The following TNFAIP8L1 variants were observed in gnomAD, a reference collection of about 807,000 sequenced individuals.
TNFAIP8L1 encodes the protein tumor necrosis factor alpha-induced protein 8-like protein 1.
For synonymous variants in TNFAIP8L1, 127 were observed against 125.6 expected, an observed-to-expected ratio of 1.01 and a Z score of -0.08; for missense variants, 225 against 266.1, an observed-to-expected ratio of 0.85 and a Z score of 1.08.
chr19:4,643,961 C>T (rs1239430077), intron 1 of TNFAIP8L1, among the ~76,000 whole-genome samples: 2 of 151,968 alleles, frequency 1.3e-5, no homozygotes, highest in Admixed American at 6.6e-5. Flanking sequence ...TGGCTTATGC[C>T]TGTAATCCCA....
intron 1 of TNFAIP8L1, among the ~76,000 whole-genome samples, chr19:4,649,485 G>A (rs955126260): frequency 2.0e-5 from 3 of 152,186 alleles, no homozygotes; most frequent in Non-Finnish European, 4.4e-5. Context: ...AGAGGCCAGA[G>A]CTGGGAGCAG....
chr19:4,654,729 C>T lies in TNFAIP8L1; in HGVS notation c.*2299C>T, dbSNP rs1238065980. 1 of 152,226 alleles carries T rather than the reference C, an allele frequency of 6.6e-6. No homozygotes were observed. Among genetic ancestry groups the T allele is most frequent in the Non-Finnish European group, 1.5e-5 (1 of 68,044 alleles). The allele number at this position is 152,226 out of a possible 1,614,324, so 9.4% of individuals were successfully genotyped here. A position where few individuals can be genotyped will look rare whatever the true frequency, so the allele number is the denominator to read the frequency against. The stretch of plus-strand genomic sequence containing the variant: ...GGCTGTCGTCTTGGCTCTGGTACCA[C>T]CCACGAGATGCGGGCGATTCTCAGC... On this transcript the variant is annotated 3_prime_UTR_variant, in exon 2 of 2. Transcript: ENST00000327473.
At position 4,652,490 on chromosome 19, in the gene TNFAIP8L1, G is replaced by A; in HGVS notation, c.*60G>A. 2 of 1,422,888 alleles carry A rather than the reference G, an allele frequency of 1.4e-6. No individual in the cohort carries two copies. The highest frequency in any genetic ancestry group is 1.5e-5 in the South Asian group (1 of 67,304). The allele number at this position is 1,422,888 out of a possible 1,614,324, so 88.1% of individuals were successfully genotyped here. On this transcript the variant is annotated 3_prime_UTR_variant, in exon 2 of 2. Transcript: ENST00000327473. ...TTTGGGGCTCTCCTGCTGGGCGCGG[G>A]TGGGGTTTGTGGGTTTTTTTCCACC...
chr19:4,652,282 A>G lies in TNFAIP8L1; in HGVS notation c.413A>G (p.Lys138Arg), dbSNP rs2088375277. Reference sequence around the variant, plus strand: ...GCCGTGGGTCCCCACCTGACCGCCAAGTCCCACGGCCGCATCAACCACGTG... The same window carrying G: ...GCCGTGGGTCCCCACCTGACCGCCAGGTCCCACGGCCGCATCAACCACGTG... The part of the protein sequence containing the change: ...HQAVGPHLTA[K>R]SHGRINHVFG... Residue 138 changes from lysine (K) to arginine (R), a missense_variant, in exon 2 of 2, where the codon AAG (lysine) becomes AGG (arginine). Lys to Arg is a conservative substitution (Grantham distance 26). Coordinates refer to ENST00000327473, the MANE Select transcript of TNFAIP8L1 (RefSeq NM_152362.3). 1 of 1,566,264 alleles carries G rather than the reference A, an allele frequency of 6.4e-7. No individual in the cohort carries two copies. Among genetic ancestry groups the G allele is most frequent in the Non-Finnish European group, 8.6e-7 (1 of 1,158,966 alleles).
At position 4,645,139 on chromosome 19, in the gene TNFAIP8L1, C is replaced by T. The variant is rs985587776; in HGVS notation, c.-4+5510C>T. Reference sequence around the variant, plus strand: ...AGAATTCATGGGACAGGGGTGGGGACGGCAGGGACTTGTGACATAATTGCA... The same window carrying T: ...AGAATTCATGGGACAGGGGTGGGGATGGCAGGGACTTGTGACATAATTGCA... On this transcript the variant is annotated intron_variant, in intron 1 of 1. Transcript: ENST00000327473. The surrounding 1 kb of genome is among the most constrained non-coding windows in gnomAD (Gnocchi z 4.1). Among the ~76,000 whole-genome samples, 2 of 152,168 alleles carry T rather than the reference C, an allele frequency of 1.3e-5. No individual in the cohort carries two copies. The highest frequency in any genetic ancestry group is 6.5e-5 in the Admixed American group (1 of 15,274).
At chr19:4,647,620 T>C (rs1034572559) in intron 1 of TNFAIP8L1, among the ~76,000 whole-genome samples, 1 of 147,668 alleles carries the variant, frequency 6.8e-6, no homozygotes, top group African/African-American at 2.5e-5. Context: ...TTTTTTTTTT[T>C]TTTTTTTTTT....
rs150579536 is a variant in TNFAIP8L1 at position 4,649,177 on chromosome 19, G to A, written c.-3-2690G>A. Among the ~76,000 whole-genome samples the A allele has an allele frequency of 8.1e-3, 1,223 of 151,532 alleles. 16 individuals carry two copies. The highest frequency in any genetic ancestry group is 0.028 in the African/African-American group (1,149 of 41,284). ...ACTCCTGACCTCAAGTGATCCTCCC[G>A]CCTTGGCTTCCGAAAGTGCTGGGAT... On this transcript the variant is annotated intron_variant, in intron 1 of 1. Coordinates refer to ENST00000327473, the MANE Select transcript of TNFAIP8L1 (RefSeq NM_152362.3).
chr19:4,652,379 G>C lies in TNFAIP8L1; in HGVS notation c.510G>C (p.Leu170=). ...YGPAEPYRSH[L]RRICEGLGRM... is the part of the protein sequence containing the mutation. ...CCGCCGAGCCCTACCGCTCCCACCT[G>C]CGCAGGATCTGCGAGGGCCTGGGCC... Residue 170 remains leucine, a synonymous_variant, in exon 2 of 2, where the codon CTG becomes CTC. Coordinates refer to ENST00000327473, the MANE Select transcript of TNFAIP8L1 (RefSeq NM_152362.3). The C allele has an allele frequency of 1.3e-6, 2 of 1,554,168 alleles. No homozygotes were observed. Among genetic ancestry groups the C allele is most frequent in the Non-Finnish European group, 1.7e-6 (2 of 1,151,762 alleles).
chr19:4,649,182 G>GT (rs903538454), intron 1 of TNFAIP8L1, among the ~76,000 whole-genome samples: 4 of 151,694 alleles, frequency 2.6e-5, no homozygotes, highest in Non-Finnish European at 5.9e-5. Context: ...CTCCCGCCTT[G>GT]GCTTCCGAAA....
chr19:4,648,309 T>C (rs187185859), intron 1 of TNFAIP8L1, among the ~76,000 whole-genome samples: 1 of 152,210 alleles, frequency 6.6e-6, no homozygotes. Context: ...GCCCCTGCCC[T>C]GTAAGGGCTG....
chr19:4,652,066 T>C lies in TNFAIP8L1; in HGVS notation c.197T>C (p.Val66Ala). Residue 66 changes from valine to alanine, a missense_variant, in exon 2 of 2, where the codon GTG becomes GCG. By Grantham distance (64) the Val-to-Ala change is moderately conservative. Coordinates refer to ENST00000327473, the MANE Select transcript of TNFAIP8L1 (RefSeq NM_152362.3). ...AQKMLKNLVK[V>A]ALKLGLLLRG... ...AAGATGCTCAAGAACCTGGTCAAGG[T>C]GGCCCTGAAGCTGGGACTGCTGCTG... is the stretch of plus-strand genomic sequence containing the variant. The C allele has an allele frequency of 6.2e-7, 1 of 1,611,232 alleles. No homozygotes were observed. The highest frequency in any genetic ancestry group is 8.5e-7 in the Non-Finnish European group (1 of 1,178,738).
At chr19:4,642,731 G>C (rs1259209383) in intron 1 of TNFAIP8L1, among the ~76,000 whole-genome samples, 1 of 150,938 alleles carries the variant, frequency 6.6e-6, no homozygotes, top group African/African-American at 2.4e-5. Context: ...CAGTGAGGAG[G>C]AGGAGAGAGG....
chr19:4,644,726 C>T (rs925332386), intron 1 of TNFAIP8L1, among the ~76,000 whole-genome samples: 3 of 151,422 alleles, frequency 2.0e-5, no homozygotes, highest in African/African-American at 7.3e-5. Context: ...GACGCAGCCT[C>T]CCGAGTAGCT....
rs12461453 is a variant in TNFAIP8L1, at chr19:4,655,534, G to C, written c.*3104G>C. On this transcript the variant is annotated 3_prime_UTR_variant, in exon 2 of 2. Transcript: ENST00000327473. ...AAGGAAACAAACCAAATAGGACTGCGGAACAATTTAAATAAAAGCACACAC... is the reference window on the plus strand; with the variant it reads ...AAGGAAACAAACCAAATAGGACTGCCGAACAATTTAAATAAAAGCACACAC... 53,190 of 152,112 alleles carry C rather than the reference G, an allele frequency of 0.35. 11,502 individuals carry two copies. Among genetic ancestry groups the C allele is most frequent in the Non-Finnish European group, 0.49 (33,228 of 68,006 alleles). 9.4% of individuals were successfully genotyped at this position (152,112 alleles called of 1,614,324 possible).
In TNFAIP8L1 at chr19:4,652,237, G is replaced by T; in HGVS notation, c.368G>T (p.Cys123Phe). ...GTGCTGGCCGCCGGGCTGCTCGAGT[G>T]CCGCGACCTGCTGCACCAGGCCGTG... ...RRVLAAGLLE[C>F]RDLLHQAVGP... is the part of the protein sequence containing the mutation. The change falls in exon 2 of 2, where the codon TGC becomes TTC. Residue 123 changes from cysteine (C) to phenylalanine (F), a missense_variant. Physicochemically the swap from Cys to Phe is radical, Grantham distance 205. Coordinates refer to ENST00000327473, the MANE Select transcript of TNFAIP8L1 (RefSeq NM_152362.3). 6.4e-7 allele frequency: 1 copy of T among 1,550,528 alleles called. No individual in the cohort carries two copies. The highest frequency in any genetic ancestry group is 8.7e-7 in the Non-Finnish European group (1 of 1,151,164).
Position 4,652,562 on chromosome 19 carries a change from G to A in TNFAIP8L1, c.*132G>A, listed in dbSNP as rs1315647402. On this transcript the variant is annotated 3_prime_UTR_variant, in exon 2 of 2. Coordinates refer to ENST00000327473, the MANE Select transcript of TNFAIP8L1 (RefSeq NM_152362.3). ...CGGCCAAACTCCCCTAGACAGATGG[G>A]TGACCTGTCTCCTTTGAGAGGATGC... The A allele has an allele frequency of 1.3e-5, 11 of 861,686 alleles. No individual in the cohort carries two copies. Among genetic ancestry groups the A allele is most frequent in the Non-Finnish European group, 1.9e-5 (11 of 576,562 alleles). 53.4% of individuals were successfully genotyped at this position (861,686 alleles called of 1,614,324 possible).
Position 4,654,492 on chromosome 19 carries a change from C to A in TNFAIP8L1, c.*2062C>A, listed in dbSNP as rs904511370. On this transcript the variant is annotated 3_prime_UTR_variant, in exon 2 of 2. Coordinates refer to ENST00000327473, the MANE Select transcript of TNFAIP8L1 (RefSeq NM_152362.3). ...GGGTAGCTGGGACTACAGGTGTGCACGAGCACACCCGGCTAATCTTTGTAT... is the reference window on the plus strand; with the variant it reads ...GGGTAGCTGGGACTACAGGTGTGCAAGAGCACACCCGGCTAATCTTTGTAT... 1 of 152,100 alleles carries A rather than the reference C, an allele frequency of 6.6e-6. No homozygotes were observed. Among genetic ancestry groups the A allele is most frequent in the Non-Finnish European group, 1.5e-5 (1 of 68,020 alleles). 9.4% of individuals were successfully genotyped at this position (152,100 alleles called of 1,614,324 possible).
At chr19:4,651,213 G>T (rs940362725) in intron 1 of TNFAIP8L1, among the ~76,000 whole-genome samples, 21 of 151,824 alleles carry the variant, frequency 1.4e-4, no homozygotes, top group African/African-American at 5.1e-4. Flanking sequence ...ATCACCTTGA[G>T]CCCCTTCTCA....
In TNFAIP8L1 at chr19:4,652,621, T is replaced by C. The variant is rs148604930; in HGVS notation, c.*191T>C. ...CTGTAGCAGCTGTTTCAAACACCAA[T>C]GTCACCTCTCCTCCTGGCCCCCGCC... On this transcript the variant is annotated 3_prime_UTR_variant, in exon 2 of 2. Coordinates refer to ENST00000327473, the MANE Select transcript of TNFAIP8L1 (RefSeq NM_152362.3). 7.0e-6 allele frequency: 4 copies of C among 568,698 alleles called. No homozygotes were observed. The East Asian group carries it at 1.3e-4, about 19-fold the overall frequency. 35.2% of individuals were successfully genotyped at this position (568,698 alleles called of 1,614,324 possible).
Sources: gnomAD v4.1 joint callset for allele counts (sites outside exome capture counted in the v4.1 genomes callset) on GRCh38, gnomAD v4.1.1 for gene constraint, Gnocchi (gnomAD v3.1) non-coding constraint, MANE v1.5 for transcripts, NCBI Gene and HGNC (gene_info 2026-07-23, HGNC 2026-07-21) for gene names.